Variants in TRPM3 observed in about 807,000 individuals in gnomAD.
The protein encoded by TRPM3 is transient receptor potential cation channel subfamily M member 3, also known as long transient receptor potential channel 3.
A neutral mutation model predicts 181.2 loss-of-function variants in TRPM3; 77 were observed. The observed-to-expected ratio is 0.42, with a 90% CI of 0.35 to 0.51. TRPM3 has a LOEUF of 0.51. Among genes scored for constraint, TRPM3 ranks in the 20% least tolerant of loss-of-function variants. The pLI is 0.01. For synonymous variants in TRPM3, 745 were observed against 796.4 expected (o/e 0.94, Z 1.09); for missense variants, 1,759 against 2,196.7 (o/e 0.80, Z 3.98).
intron 8 of TRPM3, among the ~76,000 whole-genome samples, chr9:70,740,750 T>G (rs2073892546): frequency 6.6e-6 from 1 of 152,162 alleles, no homozygotes; most frequent in Admixed American, 6.5e-5. Context: ...GATGGGATAA[T>G]TGGCAATCAC....
chr9:70,591,335 G>A, intron 21 of TRPM3, 130 bp from the exon 22 acceptor site: 1 of 717,736 alleles, frequency 1.4e-6, no homozygotes, highest in Non-Finnish European at 2.4e-6. Flanking sequence ...GGGATGTTTA[G>A]ACAGGGAGTT....
At chr9:70,849,587 T>G (rs1358011309) in intron 3 of TRPM3, among the ~76,000 whole-genome samples, 1 of 152,150 alleles carries the variant, frequency 6.6e-6, no homozygotes, top group Non-Finnish European at 1.5e-5. Flanking sequence ...TAATATAAAA[T>G]AACATCTAAT....
At chr9:71,058,642 A>G (rs1466898474) in intron 1 of TRPM3, among the ~76,000 whole-genome samples, 2 of 152,024 alleles carry the variant, frequency 1.3e-5, no homozygotes, top group Non-Finnish European at 2.9e-5. Flanking sequence ...TAGGCTGTAA[A>G]TAACCTGTAA....
intron 1 of TRPM3, among the ~76,000 whole-genome samples, chr9:71,284,922 A>G (rs892599841): frequency 6.6e-6 from 1 of 152,250 alleles, no homozygotes; most frequent in Non-Finnish European, 1.5e-5. Flanking sequence ...TACAAAGTAT[A>G]TTACATTTTT....
At chr9:71,414,767 C>T (rs2093612165) in intron 1 of TRPM3, among the ~76,000 whole-genome samples, 1 of 152,022 alleles carries the variant, frequency 6.6e-6, no homozygotes, top group South Asian at 2.1e-4. Context: ...AATTACAACA[C>T]ACACAGTCTT....
chr9:71,373,799 C>G (rs950903322), intron 1 of TRPM3, among the ~76,000 whole-genome samples: 1 of 152,144 alleles, frequency 6.6e-6, no homozygotes, highest in African/African-American at 2.4e-5. Context: ...CATCCTGATA[C>G]CAAAACCTGG....
intron 1 of TRPM3, among the ~76,000 whole-genome samples, chr9:70,966,265 AG>A (rs1265617432): frequency 3.3e-5 from 5 of 152,138 alleles, no homozygotes; most frequent in Admixed American, 6.6e-5. Flanking sequence ...AAGGTTACAG[AG>A]AAAAGGGAGC....
chr9:70,593,407 T>C (rs2058463074), intron 21 of TRPM3, among the ~76,000 whole-genome samples: 1 of 152,148 alleles, frequency 6.6e-6, no homozygotes, highest in Non-Finnish European at 1.5e-5. Context: ...AAAGCACACA[T>C]GGGTCCTTCA....
At chr9:71,250,653 T>C (rs1178027758) in intron 1 of TRPM3, among the ~76,000 whole-genome samples, 2 of 152,136 alleles carry the variant, frequency 1.3e-5, no homozygotes, top group Non-Finnish European at 2.9e-5. Flanking sequence ...TAAAGGAGGA[T>C]GTGAACAAAG....
intron 1 of TRPM3, among the ~76,000 whole-genome samples, chr9:71,087,785 A>T (rs944305192): frequency 6.6e-6 from 1 of 152,086 alleles, no homozygotes; most frequent in East Asian, 1.9e-4. Context: ...TAGAAAGACT[A>T]AAAAAACACT....
intron 1 of TRPM3, among the ~76,000 whole-genome samples, chr9:71,119,361 C>T (rs902956498): frequency 1.3e-5 from 2 of 151,950 alleles, no homozygotes; most frequent in Non-Finnish European, 2.9e-5. Flanking sequence ...GAGCTGTATG[C>T]CAATGAAAGT....
Position 70,873,481 on chromosome 9 carries a change from G to A in TRPM3, c.178-8970C>T, listed in dbSNP as rs553352995. Among the ~76,000 whole-genome samples the A allele has an allele frequency of 2.8e-3, 418 of 151,990 alleles. 1 individual carries two copies. Among genetic ancestry groups the A allele is most frequent in the African/African-American group, 9.1e-3 (378 of 41,480 alleles). On this transcript the variant is annotated intron_variant, in intron 1 of 25. Transcript: ENST00000677713. Reference sequence around the variant, plus strand: ...TTTCTTCATTTCTGTACAAATCTTCGTACACTTTACGCTCCAGCAAACCAA... The same window carrying A: ...TTTCTTCATTTCTGTACAAATCTTCATACACTTTACGCTCCAGCAAACCAA...
intron 1 of TRPM3, among the ~76,000 whole-genome samples, chr9:70,931,456 G>A (rs1201080470): frequency 5.3e-5 from 8 of 151,970 alleles, no homozygotes; most frequent in South Asian, 2.1e-4. Flanking sequence ...GAAGTTGATT[G>A]GAGACAGAAC....
At chr9:71,224,258 C>A (rs562085040) in intron 1 of TRPM3, among the ~76,000 whole-genome samples, 1 of 152,322 alleles carries the variant, frequency 6.6e-6, no homozygotes, top group East Asian at 1.9e-4. Flanking sequence ...ATCTGGTAAT[C>A]CAGAGAATTC....
rs768870844 is a variant in TRPM3 at position 70,843,097 on chromosome 9, T to G, written c.707A>C (p.Lys236Thr). The G allele has an allele frequency of 6.2e-7, 1 of 1,611,646 alleles. No individual in the cohort carries two copies. The part of the protein sequence containing the change: ...GVIRHVGDAL[K>T]DHASKSRGKI... ...TCCTCGAGACTTAGAGGCATGATCCTTCAAGGCATCGCCAACATGACGAAT... is the reference window on the plus strand; with the variant it reads ...TCCTCGAGACTTAGAGGCATGATCCGTCAAGGCATCGCCAACATGACGAAT... The change falls in exon 5 of 26, where the codon AAG becomes ACG. Residue 236 changes from lysine (K) to threonine (T), a missense_variant. Lys to Thr is a moderately conservative substitution (Grantham distance 78, BLOSUM62 -1). This residue lies in a region of TRPM3 where 737 missense variants were observed against 957.4 expected (regional missense o/e 0.77). Coordinates refer to ENST00000677713, the MANE Select transcript of TRPM3 (RefSeq NM_001366145.2).
At chr9:70,559,691 C>G (rs935034891) in intron 22 of TRPM3, among the ~76,000 whole-genome samples, 1 of 152,234 alleles carries the variant, frequency 6.6e-6, no homozygotes, top group Non-Finnish European at 1.5e-5. Context: ...GGACCTTTCT[C>G]TCAGTCCCAG....
At chr9:71,097,631 C>T (rs2134001955) in intron 1 of TRPM3, among the ~76,000 whole-genome samples, 1 of 151,818 alleles carries the variant, frequency 6.6e-6, no homozygotes, top group East Asian at 1.9e-4. Flanking sequence ...AAAAAAAAGT[C>T]CCACTATTCC....
rs115083578 is a variant in TRPM3, at chr9:71,014,881, T to C, written c.177+106297A>G. ...GTCTCAACTTTGTGATATTATTTTATGCTATACTTATTGGTAATTTGATGA... is the reference window on the plus strand; with the variant it reads ...GTCTCAACTTTGTGATATTATTTTACGCTATACTTATTGGTAATTTGATGA... On this transcript the variant is annotated intron_variant, in intron 1 of 25. Transcript: ENST00000677713. 8.2e-3 allele frequency among the ~76,000 whole-genome samples: 1,251 copies of C among 152,280 alleles called. 19 individuals carry two copies. The highest frequency in any genetic ancestry group is 0.028 in the African/African-American group (1,167 of 41,572).
chr9:70,997,548 C>T (rs144212915), intron 1 of TRPM3, among the ~76,000 whole-genome samples: 1 of 152,208 alleles, frequency 6.6e-6, no homozygotes, highest in Non-Finnish European at 1.5e-5. Flanking sequence ...TATGACTTTT[C>T]CAGATTCTTT....
Sources: allele counts gnomAD v4.1 joint callset (sites outside exome capture counted in the v4.1 genomes callset), GRCh38; gene constraint gnomAD v4.1.1; regional missense constraint gnomAD v4.1.1; transcripts MANE v1.5; gene names NCBI Gene and HGNC (gene_info 2026-07-23, HGNC 2026-07-21).